The following LRRC27 variants were observed in gnomAD, a reference collection of about 807,000 sequenced individuals.
The protein encoded by LRRC27 is leucine rich repeat containing 27, also known as leucine-rich repeat-containing protein 27.
In LRRC27, 57 loss-of-function variants were observed where a neutral mutation model predicts 55.0. That is an observed-to-expected ratio of 1.04 (90% CI 0.84 to 1.29). The LOEUF (loss-of-function observed/expected upper bound fraction) is 1.29. Among genes scored for constraint, LRRC27 ranks in the 50% most tolerant of loss-of-function variants. The pLI is 0.00. For synonymous variants in LRRC27, 278 were observed against 251.9 expected, an observed-to-expected ratio of 1.10 and a Z score of -0.98; for missense variants, 721 against 651.5, an observed-to-expected ratio of 1.11 and a Z score of -1.16.
upstream of LRRC27, chr10:132,330,224 T>C (rs757566061): frequency 6.6e-5 from 36 of 543,048 alleles, no homozygotes; most frequent in African/African-American, 1.9e-4. Context: ...CAAAAATTAA[T>C]GTAGCATGAA....
In LRRC27 at chr10:132,378,775, G is replaced by C. The variant is rs929130984; in HGVS notation, c.*3533G>C. 6.6e-6 allele frequency: 1 copy of C among 152,476 alleles called. No homozygotes were observed. The highest frequency in any genetic ancestry group is 1.5e-5 in the Non-Finnish European group (1 of 68,170). 9.4% of individuals were successfully genotyped at this position (152,476 alleles called of 1,614,324 possible). ...ATTGCACTCAGAAGAAACATCCCAG[G>C]CCCTGAGCAGCGTGTCTTTCCTCGG... On this transcript the variant is annotated 3_prime_UTR_variant, in exon 11 of 11. Transcript: ENST00000368614.
In LRRC27 at chr10:132,379,473, A is replaced by G. The variant is rs960744532; in HGVS notation, c.*4231A>G. On this transcript the variant is annotated 3_prime_UTR_variant, in exon 11 of 11. Coordinates refer to ENST00000368614, the MANE Select transcript of LRRC27 (RefSeq NM_030626.3). ...CTGCTCCTCTCCAGAGTTTCCTCTC[A>G]CCTCCGTGTTCTCGTTCTCATCTCT... is the stretch of plus-strand genomic sequence containing the variant. 1 of 151,826 alleles carries G rather than the reference A, an allele frequency of 6.6e-6. No homozygotes were observed. The highest frequency in any genetic ancestry group is 1.5e-5 in the Non-Finnish European group (1 of 68,084). The allele number at this position is 151,826 out of a possible 1,614,324, so 9.4% of individuals were successfully genotyped here.
chr10:132,346,037 C>T (rs986515434), intron 5 of LRRC27, among the ~76,000 whole-genome samples: 3 of 152,164 alleles, frequency 2.0e-5, no homozygotes, highest in South Asian at 4.2e-4. Context: ...ATCGCTATGG[C>T]GATGTGTGAG....
At chr10:132,356,250 A>T (rs1361289009) in intron 8 of LRRC27, among the ~76,000 whole-genome samples, 1 of 152,230 alleles carries the variant, frequency 6.6e-6, no homozygotes, top group African/African-American at 2.4e-5. Flanking sequence ...GAAAAGATTC[A>T]AAAGATAAAA....
At chr10:132,375,041 T>C in intron 10 of LRRC27, 25 bp from the exon 11 acceptor site, 1 of 1,593,848 alleles carries the variant, frequency 6.3e-7, no homozygotes, top group Non-Finnish European at 8.6e-7. Context: ...CTTTCTAACA[T>C]CTCCCCCTCC....
intron 7 of LRRC27, chr10:132,353,126 TTGG>T: frequency 6.8e-7 from 1 of 1,462,432 alleles, no homozygotes; most frequent in African/African-American, 1.4e-5. Context: ...TGCCCCTCAC[TTGG>T]TGGTTGGCTT....
chr10:132,333,769 A>G (rs1282598667), intron 2 of LRRC27, 35 bp downstream of exon 2: 1 of 1,545,396 alleles, frequency 6.5e-7, no homozygotes, highest in Admixed American at 1.7e-5. Context: ...GTGTGCCCAC[A>G]GGTCCCCTAT....
In LRRC27 at chr10:132,372,721, C is replaced by G. The variant is rs1324400313; in HGVS notation, c.1417-2345C>G. ...GACCAACCAGGCACCACAGTGGTGA[C>G]AGCAGCCATGTTTGGCCTAAAGAGA... On this transcript the variant is annotated intron_variant, in intron 10 of 10. Transcript: ENST00000368614. The surrounding 1 kb of genome is among the most constrained non-coding windows in gnomAD (Gnocchi z 4.0). Among the ~76,000 whole-genome samples the G allele has an allele frequency of 1.3e-5, 2 of 152,222 alleles. No homozygotes were observed. The highest frequency in any genetic ancestry group is 2.9e-5 in the Non-Finnish European group (2 of 68,044).
chr10:132,354,546 C>T (rs2068220594), intron 7 of LRRC27, among the ~76,000 whole-genome samples: 1 of 152,180 alleles, frequency 6.6e-6, no homozygotes, highest in African/African-American at 2.4e-5. Context: ...CAGGACACAG[C>T]CTCACCTGAG....
intron 4 of LRRC27, among the ~76,000 whole-genome samples, chr10:132,342,644 C>G (rs1369622001): frequency 2.0e-5 from 3 of 152,202 alleles, no homozygotes; most frequent in African/African-American, 7.2e-5. Flanking sequence ...ATCATGACCA[C>G]TTTTTTAGAC....
intron 10 of LRRC27, among the ~76,000 whole-genome samples, chr10:132,367,631 T>A (rs1384707988): frequency 6.6e-6 from 1 of 152,224 alleles, no homozygotes; most frequent in African/African-American, 2.4e-5. Context: ...TATCAATAGA[T>A]GCAGAAAAAG....
At chr10:132,358,150 A>G (rs2133009398) in intron 8 of LRRC27, among the ~76,000 whole-genome samples, 1 of 152,390 alleles carries the variant, frequency 6.6e-6, no homozygotes, top group East Asian at 1.9e-4. Context: ...CTGAGAATCC[A>G]GTAGAAGAAA....
chr10:132,356,818 C>G (rs2068333499), intron 8 of LRRC27, among the ~76,000 whole-genome samples: 1 of 152,292 alleles, frequency 6.6e-6, no homozygotes, highest in Non-Finnish European at 1.5e-5. Context: ...TGGCTTGCTT[C>G]TCTGTCCTGT....
chr10:132,348,973 C>G lies in LRRC27; in HGVS notation c.926+617C>G, dbSNP rs756452114. The stretch of plus-strand genomic sequence containing the variant: ...TCCTTTCACACCCAGGACAAGGGTC[C>G]CTAGGAAACAGGCTCTGCAGAGACT... On this transcript the variant is annotated intron_variant, in intron 6 of 10. Coordinates refer to ENST00000368614, the MANE Select transcript of LRRC27 (RefSeq NM_030626.3). The surrounding 1 kb of genome is among the most constrained non-coding windows in gnomAD (Gnocchi z 4.2). 6.2e-7 allele frequency: 1 copy of G among 1,607,232 alleles called. No homozygotes were observed. Among genetic ancestry groups the G allele is most frequent in the Non-Finnish European group, 8.5e-7 (1 of 1,176,608 alleles).
chr10:132,366,023 G>A (rs1037604335), intron 10 of LRRC27, among the ~76,000 whole-genome samples: 2 of 152,274 alleles, frequency 1.3e-5, no homozygotes, highest in African/African-American at 4.8e-5. Context: ...ACATGAGAAG[G>A]AAAACATTTC....
At chr10:132,332,949 A>T (rs547827772) in intron 1 of LRRC27, among the ~76,000 whole-genome samples, 1 of 152,368 alleles carries the variant, frequency 6.6e-6, no homozygotes, top group African/African-American at 2.4e-5. Flanking sequence ...CTGGACAACG[A>T]AAATTCGAGA....
intron 2 of LRRC27, among the ~76,000 whole-genome samples, chr10:132,334,124 G>T (rs931986826): frequency 6.6e-6 from 1 of 152,186 alleles, no homozygotes; most frequent in Non-Finnish European, 1.5e-5. Context: ...GTTACACACT[G>T]GTTTTACTTT....
chr10:132,357,270 T>C (rs1590686761), intron 8 of LRRC27, among the ~76,000 whole-genome samples: 1 of 152,254 alleles, frequency 6.6e-6, no homozygotes, highest in African/African-American at 2.4e-5. Context: ...TCGCCATCTT[T>C]GCTGTCACCT....
intron 9 of LRRC27, among the ~76,000 whole-genome samples, chr10:132,365,152 T>A (rs181072629): frequency 1.1e-3 from 171 of 152,348 alleles, no homozygotes; most frequent in African/African-American, 4.0e-3. Flanking sequence ...TTGAGGTTTT[T>A]AAATAAGAAT....
Sources: allele counts gnomAD v4.1 joint callset (sites outside exome capture counted in the v4.1 genomes callset), GRCh38; gene constraint gnomAD v4.1.1; non-coding constraint Gnocchi (gnomAD v3.1); transcripts MANE v1.5; gene names NCBI Gene and HGNC (gene_info 2026-07-23, HGNC 2026-07-21).